Variants in NREP observed in about 807,000 individuals in gnomAD.
NREP encodes the protein neuronal regeneration related protein, also known as neuronal regeneration-related protein.
NREP carries 5 observed loss-of-function variants against 8.6 expected under a neutral mutation model. The ratio of observed to expected loss-of-function variants is 0.58; its 90% confidence interval spans 0.30 to 1.22. The LOEUF (loss-of-function observed/expected upper bound fraction) is 1.22, where lower values mean the gene tolerates loss of function less well. Ranked by LOEUF, NREP falls within the 50% of genes most tolerant of loss-of-function variation. The probability of loss-of-function intolerance (pLI) is 0.07; values close to 1 mark genes in which losing one functional copy is unlikely to be tolerated. For missense variants in NREP, 86 were observed against 82.5 expected (o/e 1.04, Z -0.17); for synonymous variants, 27 against 28.0 (o/e 0.96, Z 0.11).
chr5:111,821,845 A>G (rs918209110), intron 2 of NREP, among the ~76,000 whole-genome samples: 36 of 152,092 alleles, frequency 2.4e-4, no homozygotes, highest in African/African-American at 7.5e-4. Context: ...AACTCAGAAG[A>G]GGGTATTTAT....
At chr5:111,780,574 G>A (rs1499272) in intron 2 of NREP, among the ~76,000 whole-genome samples, 47,177 of 151,962 alleles carry the variant, frequency 0.31, 7,432 homozygotes, top group Middle Eastern at 0.46. Context: ...GCTAGTATAT[G>A]TTTGGTGGGG....
intron 2 of NREP, among the ~76,000 whole-genome samples, chr5:111,911,790 C>G (rs554957947): frequency 6.6e-6 from 1 of 152,070 alleles, no homozygotes; most frequent in Non-Finnish European, 1.5e-5. Flanking sequence ...GAGGAGACCT[C>G]TGCATAGACA....
rs1253788164 is a variant in NREP, at chr5:111,730,725, T to G, written c.*196A>C. ...GATTCACAGTGTGAAATTCTGAGCG[T>G]TTTCACTTGAGTCAGAATGATTAAA... On this transcript the variant is annotated 3_prime_UTR_variant, in exon 4 of 4. Transcript: ENST00000257435. 1 of 605,526 alleles carries G rather than the reference T, an allele frequency of 1.7e-6. No individual in the cohort carries two copies. Among genetic ancestry groups the G allele is most frequent in the Non-Finnish European group, 2.8e-6 (1 of 361,244 alleles). 37.5% of individuals were successfully genotyped at this position (605,526 alleles called of 1,614,324 possible).
intron 2 of NREP, among the ~76,000 whole-genome samples, chr5:111,947,721 G>C (rs553807986): frequency 4.6e-5 from 7 of 151,996 alleles, no homozygotes; most frequent in Non-Finnish European, 1.0e-4. Context: ...CTTCTAAGAG[G>C]TGAGTGCTCT....
chr5:111,802,127 G>C (rs12520499), intron 2 of NREP, among the ~76,000 whole-genome samples: 46,497 of 151,944 alleles, frequency 0.31, 7,838 homozygotes, highest in Non-Finnish European at 0.39. Context: ...TTAAGAACCA[G>C]TACCACAGAC....
chr5:111,930,599 G>A (rs1755510657), intron 2 of NREP, among the ~76,000 whole-genome samples: 1 of 152,138 alleles, frequency 6.6e-6, no homozygotes. Context: ...CTATGCACAT[G>A]ACTTTGTGAC....
chr5:111,911,672 T>C (rs1002358232), intron 2 of NREP, among the ~76,000 whole-genome samples: 3 of 152,130 alleles, frequency 2.0e-5, no homozygotes, highest in Admixed American at 2.0e-4. Context: ...GCTACTATTA[T>C]TCAGGCTCAA....
At chr5:111,970,192 A>C (rs1364862695) in intron 2 of NREP, among the ~76,000 whole-genome samples, 1 of 152,202 alleles carries the variant, frequency 6.6e-6, no homozygotes, top group Non-Finnish European at 1.5e-5. Flanking sequence ...ATTGTAAAAT[A>C]AATCTGGTAC....
chr5:111,805,385 G>C (rs960205448), intron 2 of NREP, among the ~76,000 whole-genome samples: 2 of 152,170 alleles, frequency 1.3e-5, no homozygotes, highest in Non-Finnish European at 2.9e-5. Context: ...TTGCATATTT[G>C]TGGTAGCTAA....
At chr5:111,951,262 A>G (rs1756152664) in intron 2 of NREP, among the ~76,000 whole-genome samples, 1 of 152,024 alleles carries the variant, frequency 6.6e-6, no homozygotes, top group Non-Finnish European at 1.5e-5. Flanking sequence ...CATCTCATTT[A>G]TTCATTCTTC....
chr5:111,840,904 T>G (rs974847754), intron 2 of NREP, among the ~76,000 whole-genome samples: 1 of 151,976 alleles, frequency 6.6e-6, no homozygotes, highest in Admixed American at 6.6e-5. Flanking sequence ...GAGAAAGAGA[T>G]TTGCCTAATA....
At chr5:111,837,640 T>C (rs888935867) in intron 2 of NREP, among the ~76,000 whole-genome samples, 1 of 152,046 alleles carries the variant, frequency 6.6e-6, no homozygotes, top group Non-Finnish European at 1.5e-5. Flanking sequence ...CCTCATGTTA[T>C]AGAGGAATAA....
intron 2 of NREP, among the ~76,000 whole-genome samples, chr5:111,750,327 A>C (rs1310187205): frequency 6.6e-6 from 1 of 152,230 alleles, no homozygotes; most frequent in Non-Finnish European, 1.5e-5. Context: ...AGAAATAAAA[A>C]GCTTAATAAA....
At chr5:111,777,499 AAC>A (rs1435386482) in intron 2 of NREP, among the ~76,000 whole-genome samples, 1 of 152,074 alleles carries the variant, frequency 6.6e-6, no homozygotes, top group East Asian at 1.9e-4. Flanking sequence ...TGCATGTAAA[AAC>A]ACACAAATTT....
intron 2 of NREP, among the ~76,000 whole-genome samples, chr5:111,754,861 A>C (rs772836356): frequency 1.1e-4 from 17 of 152,252 alleles, no homozygotes; most frequent in Non-Finnish European, 2.2e-4. Flanking sequence ...ATATCAGATT[A>C]AATTTTGATT....
intron 2 of NREP, among the ~76,000 whole-genome samples, chr5:111,973,372 T>G (rs998828024): frequency 6.6e-6 from 1 of 152,188 alleles, no homozygotes. Flanking sequence ...GTATTAGCTT[T>G]TTTGAGAAAA....
At chr5:111,834,515 A>C (rs959093331) in intron 2 of NREP, among the ~76,000 whole-genome samples, 2 of 152,246 alleles carry the variant, frequency 1.3e-5, no homozygotes, top group African/African-American at 4.8e-5. Context: ...TAATATTTGG[A>C]AACATATCCA....
chr5:111,788,479 T>C (rs1751666374), intron 2 of NREP, among the ~76,000 whole-genome samples: 1 of 152,118 alleles, frequency 6.6e-6, no homozygotes, highest in Non-Finnish European at 1.5e-5. Flanking sequence ...CATGGAACAA[T>C]GAGAAATCCA....
chr5:111,877,495 A>C (rs1302300432), intron 2 of NREP, among the ~76,000 whole-genome samples: 3 of 152,220 alleles, frequency 2.0e-5, no homozygotes, highest in African/African-American at 7.2e-5. Context: ...ACAAACTTTA[A>C]GCAACTGACA....
Sources: allele counts gnomAD v4.1 joint callset (sites outside exome capture counted in the v4.1 genomes callset), GRCh38; gene constraint gnomAD v4.1.1; transcripts MANE v1.5; gene names NCBI Gene and HGNC (gene_info 2026-07-23, HGNC 2026-07-21).